EYS: variants seen among roughly 807,000 people sequenced by gnomAD.
The protein encoded by EYS is EGF-like photoreceptor maintenance factor.
Under a neutral mutation model 282.1 loss-of-function variants are expected in EYS, and 250 were observed. The observed-to-expected ratio is 0.89, with a 90% confidence interval of 0.80 to 0.98. EYS has a LOEUF of 0.98. EYS is among the 50% of genes least tolerant of loss of function. The pLI is 0.00. For missense variants in EYS, 4,016 were observed against 3,709.0 expected (o/e 1.08, Z -2.15); for synonymous variants, 1,355 against 1,282.9 (o/e 1.06, Z -1.20).
chr6:64,441,575 T>C (rs1173317291), intron 26 of EYS, among the ~76,000 whole-genome samples: 3 of 152,292 alleles, frequency 2.0e-5, no homozygotes, highest in Non-Finnish European at 4.4e-5. Flanking sequence ...TCAAACATCA[T>C]TGATATCGTT....
At chr6:65,676,299 G>C (rs1016350402) in intron 1 of EYS, among the ~76,000 whole-genome samples, 2 of 151,658 alleles carry the variant, frequency 1.3e-5, no homozygotes, top group African/African-American at 4.8e-5. Context: ...TTGGTTTATT[G>C]AAATATCAAC....
intron 29 of EYS, among the ~76,000 whole-genome samples, chr6:64,367,180 A>C (rs1039761682): frequency 2.6e-5 from 4 of 152,198 alleles, no homozygotes; most frequent in Middle Eastern, 3.4e-3. Context: ...GTCTCTGCTG[A>C]GGAAATGGGC....
At chr6:64,308,454 A>G (rs1769541885) in intron 29 of EYS, among the ~76,000 whole-genome samples, 1 of 152,088 alleles carries the variant, frequency 6.6e-6, no homozygotes, top group Non-Finnish European at 1.5e-5. Context: ...ATAGTTAGAA[A>G]TGAGCATTCA....
chr6:65,069,824 A>AT (rs1485083139), intron 12 of EYS, among the ~76,000 whole-genome samples: 1 of 151,966 alleles, frequency 6.6e-6, no homozygotes, highest in African/African-American at 2.4e-5. Flanking sequence ...CTGAACAGCT[A>AT]TTGAAAGGTT....
intron 13 of EYS, among the ~76,000 whole-genome samples, chr6:65,056,559 C>T (rs1245098282): frequency 1.3e-5 from 2 of 151,842 alleles, no homozygotes; most frequent in South Asian, 2.1e-4. Context: ...CACTGCACCC[C>T]AACCTTGTTG....
intron 8 of EYS, among the ~76,000 whole-genome samples, chr6:65,378,035 G>A (rs573867538): frequency 5.3e-5 from 8 of 152,092 alleles, no homozygotes; most frequent in South Asian, 4.1e-4. Context: ...AGACAAATGC[G>A]ATCTAATTAA....
intron 12 of EYS, among the ~76,000 whole-genome samples, chr6:65,173,182 T>C (rs1228521931): frequency 6.6e-6 from 1 of 151,356 alleles, no homozygotes; most frequent in Non-Finnish European, 1.5e-5. Flanking sequence ...GGTGGTGCTG[T>C]GATAGCCTTA....
At chr6:64,006,429 G>T (rs1306578121) in intron 33 of EYS, among the ~76,000 whole-genome samples, 1 of 152,134 alleles carries the variant, frequency 6.6e-6, no homozygotes, top group East Asian at 1.9e-4. Context: ...TCAATTGTCT[G>T]CAGAGAGAGA....
chr6:63,789,051 T>C lies in EYS; in HGVS notation c.7578+7A>G, dbSNP rs1020797365. ...TTTGTGGAAGTGACGAAGGAATGAC[T>C]CTTTACCTTCAGCCAGCCCTCTTGG... On this transcript the variant is annotated splice_region_variant and intron_variant, in intron 38 of 42. Coordinates refer to ENST00000503581, the MANE Select transcript of EYS (RefSeq NM_001142800.2). 1.9e-6 allele frequency: 3 copies of C among 1,551,174 alleles called. No individual in the cohort carries two copies. Among genetic ancestry groups the C allele is most frequent in the Non-Finnish European group, 2.6e-6 (3 of 1,146,620 alleles).
chr6:64,868,366 T>G (rs781208112), intron 19 of EYS, among the ~76,000 whole-genome samples: 19 of 151,488 alleles, frequency 1.3e-4, no homozygotes, highest in Non-Finnish European at 2.8e-4. Flanking sequence ...TGTTACAAAA[T>G]ATTAATGGAG....
intron 13 of EYS, among the ~76,000 whole-genome samples, chr6:65,003,739 C>T (rs1257509385): frequency 6.8e-6 from 1 of 147,070 alleles, no homozygotes; most frequent in African/African-American, 2.4e-5. Context: ...TAGAAAAGAA[C>T]CTACGTGAAT....
chr6:64,092,637 T>C (rs1172525437), intron 31 of EYS, among the ~76,000 whole-genome samples: 1 of 152,222 alleles, frequency 6.6e-6, no homozygotes, highest in East Asian at 1.9e-4. Flanking sequence ...GAGTACATTG[T>C]AGATTCTGGA....
chr6:64,993,479 A>G (rs1771143475), intron 14 of EYS, among the ~76,000 whole-genome samples: 1 of 150,758 alleles, frequency 6.6e-6, no homozygotes, highest in Non-Finnish European at 1.5e-5. Context: ...CCGCAAGGAC[A>G]AAAAATCAAA....
chr6:64,491,582 T>C (rs563924876), intron 26 of EYS, among the ~76,000 whole-genome samples: 14 of 151,196 alleles, frequency 9.3e-5, no homozygotes, highest in African/African-American at 3.4e-4. Context: ...TAGACACTTT[T>C]TACGGTCTCA....
chr6:64,070,220 A>G (rs933316548), intron 32 of EYS, among the ~76,000 whole-genome samples: 4 of 152,136 alleles, frequency 2.6e-5, no homozygotes, highest in Non-Finnish European at 5.9e-5. Flanking sequence ...TTAAAATGTT[A>G]TTGGTCTTTC....
intron 1 of EYS, among the ~76,000 whole-genome samples, chr6:65,683,345 C>A (rs192731178): frequency 1.5e-3 from 223 of 146,452 alleles, no homozygotes; most frequent in Middle Eastern, 4.0e-3. Context: ...TTTCAAAGTA[C>A]TAGGTTACTC....
At chr6:64,846,142 C>T (rs1350938723) in intron 19 of EYS, among the ~76,000 whole-genome samples, 2 of 152,090 alleles carry the variant, frequency 1.3e-5, no homozygotes, top group Non-Finnish European at 2.9e-5. Context: ...TTTCTTATTT[C>T]TGATTAATAC....
chr6:64,536,269 T>A (rs998889337), intron 26 of EYS, among the ~76,000 whole-genome samples: 1 of 151,924 alleles, frequency 6.6e-6, no homozygotes, highest in Non-Finnish European at 1.5e-5. Flanking sequence ...AAAACAAATG[T>A]AAGGGAAAAA....
At chr6:64,270,675 A>C (rs1406048035) in intron 30 of EYS, among the ~76,000 whole-genome samples, 1 of 152,328 alleles carries the variant, frequency 6.6e-6, no homozygotes, top group Non-Finnish European at 1.5e-5. Flanking sequence ...AAGCATATGC[A>C]ACATTTGTTT....
Sources: gnomAD v4.1 joint callset for allele counts (sites outside exome capture counted in the v4.1 genomes callset) on GRCh38, gnomAD v4.1.1 for gene constraint, MANE v1.5 for transcripts, NCBI Gene and HGNC (gene_info 2026-07-23, HGNC 2026-07-21) for gene names.